KLHL1: variants seen among roughly 807,000 people sequenced by gnomAD.
KLHL1 encodes kelch like family member 1, also known as kelch-like protein 1.
KLHL1 carries 47 observed loss-of-function variants against 77.7 expected under a neutral mutation model. That is an observed-to-expected ratio of 0.60 (90% CI 0.48 to 0.77). The LOEUF (loss-of-function observed/expected upper bound fraction) is 0.77, where lower values mean the gene tolerates loss of function less well. KLHL1 is among the 30% of genes least tolerant of loss of function. The probability of loss-of-function intolerance (pLI) is 0.00; values close to 1 mark genes in which losing one functional copy is unlikely to be tolerated. For missense variants in KLHL1, 925 were observed against 910.8 expected, an observed-to-expected ratio of 1.02 and a Z score of -0.20; for synonymous variants, 360 against 325.2, an observed-to-expected ratio of 1.11 and a Z score of -1.15.
At chr13:69,888,940 C>G (rs1341792007) in intron 4 of KLHL1, among the ~76,000 whole-genome samples, 1 of 151,874 alleles carries the variant, frequency 6.6e-6, no homozygotes. Context: ...TTAAGAAATA[C>G]TAGCTTTCCC....
chr13:69,847,404 C>CAAAA (rs11357077), intron 5 of KLHL1, among the ~76,000 whole-genome samples: 7 of 145,854 alleles, frequency 4.8e-5, no homozygotes, highest in African/African-American at 1.0e-4. Flanking sequence ...ACTGCATTAG[C>CAAAA]AAAAAAAAAA....
intron 6 of KLHL1, among the ~76,000 whole-genome samples, chr13:69,801,814 T>G (rs1877394811): frequency 6.6e-6 from 1 of 152,214 alleles, no homozygotes; most frequent in African/African-American, 2.4e-5. Flanking sequence ...CAAATTTTGA[T>G]ACTGAGTTAT....
rs377448940 is a variant in KLHL1 at position 70,043,680 on chromosome 13, T to C, written c.497+63523A>G. ...CAATTGCCTACAATATTCTGTAAAG[T>C]AACTAGCTATACAGGTTTGTGGCCT... is the stretch of plus-strand genomic sequence containing the variant. On this transcript the variant is annotated intron_variant, in intron 1 of 10. Coordinates refer to ENST00000377844, the MANE Select transcript of KLHL1 (RefSeq NM_020866.3). Among the ~76,000 whole-genome samples, 20 of 152,244 alleles carry C rather than the reference T, an allele frequency of 1.3e-4. No individual in the cohort carries two copies. The East Asian group carries it at 3.7e-3, about 28-fold the overall frequency.
chr13:69,961,954 C>T (rs891160483), intron 2 of KLHL1, among the ~76,000 whole-genome samples: 5 of 151,908 alleles, frequency 3.3e-5, no homozygotes, highest in Non-Finnish European at 5.9e-5. Flanking sequence ...ATTATTCTTT[C>T]ATAAGTAGAG....
chr13:69,786,315 A>G (rs917664906), intron 7 of KLHL1, among the ~76,000 whole-genome samples: 12 of 152,182 alleles, frequency 7.9e-5, no homozygotes, highest in Non-Finnish European at 1.8e-4. Context: ...ACCATGATCA[A>G]GTGGGCTTCA....
In KLHL1 at chr13:70,107,249, C is replaced by G. The variant is rs748060817; in HGVS notation, c.451G>C (p.Glu151Gln). 18 of 1,613,804 alleles carry G rather than the reference C, an allele frequency of 1.1e-5. No homozygotes were observed. ...GTTGCCTGGCTAGAGTTGTCTGGCT[C>G]CACTTTGAGCTCTTGCAGAACCAGC... ...KGLVLQELKVEPDNSSQATGE... is the reference protein window; with the variant it reads ...KGLVLQELKVQPDNSSQATGE... The change falls in exon 1 of 11, where the codon GAG becomes CAG. Residue 151 changes from glutamate to glutamine, a missense_variant. Glu to Gln is a conservative substitution (Grantham distance 29). Transcript: ENST00000377844.
rs186342252 is a variant in KLHL1 at position 70,052,094 on chromosome 13, T to C, written c.497+55109A>G. Among the ~76,000 whole-genome samples, 321 of 152,060 alleles carry C rather than the reference T, an allele frequency of 2.1e-3. 1 individual carries two copies. Among genetic ancestry groups the C allele is most frequent in the African/African-American group, 7.4e-3 (306 of 41,534 alleles). On this transcript the variant is annotated intron_variant, in intron 1 of 10. Transcript: ENST00000377844. Reference sequence around the variant, plus strand: ...ACTTTCTTAGCCGTGCAATAGGCCATTGAAGTTCAATCCAGTTCCAATCAG... The same window carrying C: ...ACTTTCTTAGCCGTGCAATAGGCCACTGAAGTTCAATCCAGTTCCAATCAG...
intron 7 of KLHL1, among the ~76,000 whole-genome samples, chr13:69,788,933 A>ACAGT (rs1186465137): frequency 6.6e-6 from 1 of 152,150 alleles, no homozygotes; most frequent in Admixed American, 6.5e-5. Flanking sequence ...TACAAAAATG[A>ACAGT]CAGTCATAGT....
At chr13:69,882,850 A>C (rs534086790) in intron 4 of KLHL1, among the ~76,000 whole-genome samples, 1 of 152,206 alleles carries the variant, frequency 6.6e-6, no homozygotes, top group Non-Finnish European at 1.5e-5. Flanking sequence ...GCTTGACTAT[A>C]TATGTAGACA....
chr13:69,714,963 CCTT>C (rs1017558594), intron 9 of KLHL1, among the ~76,000 whole-genome samples: 3 of 152,060 alleles, frequency 2.0e-5, no homozygotes, highest in Admixed American at 6.6e-5. Flanking sequence ...TCCACAGAAT[CCTT>C]CTTCCTCAAA....
At chr13:69,941,104 A>T (rs1369673548) in intron 3 of KLHL1, among the ~76,000 whole-genome samples, 2 of 152,040 alleles carry the variant, frequency 1.3e-5, no homozygotes, top group African/African-American at 4.8e-5. Flanking sequence ...ATACCCTAAA[A>T]CAAATGGATT....
At chr13:69,855,311 GA>G (rs1326124260) in intron 5 of KLHL1, among the ~76,000 whole-genome samples, 1 of 120,914 alleles carries the variant, frequency 8.3e-6, no homozygotes, top group Non-Finnish European at 1.7e-5. Flanking sequence ...TAGATAGATA[GA>G]TAGATAGATA....
intron 1 of KLHL1, among the ~76,000 whole-genome samples, chr13:70,080,718 TC>T (rs1887372688): frequency 1.3e-5 from 2 of 152,176 alleles, no homozygotes; most frequent in South Asian, 4.1e-4. Flanking sequence ...TTCCTCAGCC[TC>T]CCGAGTAGCT....
intron 1 of KLHL1, among the ~76,000 whole-genome samples, chr13:70,070,913 T>G (rs1048299396): frequency 6.6e-6 from 1 of 151,864 alleles, no homozygotes; most frequent in Non-Finnish European, 1.5e-5. Flanking sequence ...TTTAAAGAAC[T>G]ATAATTGATA....
At chr13:69,821,987 C>A (rs1406051521) in intron 6 of KLHL1, among the ~76,000 whole-genome samples, 2 of 152,006 alleles carry the variant, frequency 1.3e-5, no homozygotes, top group African/African-American at 4.8e-5. Context: ...ATCACGAAGT[C>A]AGGAGTTTGA....
chr13:69,904,353 T>C (rs1043038417), intron 4 of KLHL1, among the ~76,000 whole-genome samples: 8 of 152,146 alleles, frequency 5.3e-5, no homozygotes, highest in Admixed American at 2.6e-4. Flanking sequence ...TAAAAAAGTA[T>C]ATGTATTTCA....
At chr13:69,793,273 T>C (rs1195222127) in intron 7 of KLHL1, among the ~76,000 whole-genome samples, 1 of 152,078 alleles carries the variant, frequency 6.6e-6, no homozygotes, top group African/African-American at 2.4e-5. Context: ...AAGACTTAAG[T>C]GATAAAATAA....
chr13:69,715,058 C>G (rs973852329), intron 9 of KLHL1, among the ~76,000 whole-genome samples: 1 of 152,158 alleles, frequency 6.6e-6, no homozygotes, highest in Middle Eastern at 3.2e-3. Context: ...CACCTCCTTT[C>G]TCTGTCGCTC....
intron 1 of KLHL1, among the ~76,000 whole-genome samples, chr13:70,011,499 A>G (rs1288786248): frequency 6.6e-6 from 1 of 152,142 alleles, no homozygotes; most frequent in Non-Finnish European, 1.5e-5. Flanking sequence ...TTTGAAGGGC[A>G]TTTCTTTTGG....
Sources: gnomAD v4.1 joint callset for allele counts (sites outside exome capture counted in the v4.1 genomes callset) on GRCh38, gnomAD v4.1.1 for gene constraint, MANE v1.5 for transcripts, NCBI Gene and HGNC (gene_info 2026-07-23, HGNC 2026-07-21) for gene names.